The following KLHL32 variants were observed in gnomAD, a reference collection of about 807,000 sequenced individuals.
The protein encoded by KLHL32 is kelch like family member 32.
KLHL32 carries 35 observed loss-of-function variants against 64.8 expected under a neutral mutation model. The ratio of observed to expected loss-of-function variants is 0.54; its 90% CI spans 0.41 to 0.72. KLHL32 has a LOEUF of 0.72. KLHL32 is among the 30% of genes least tolerant of loss of function. The pLI is 0.00. For missense variants in KLHL32, 589 were observed against 768.5 expected (o/e 0.77, Z 2.76); for synonymous variants, 259 against 281.0 (o/e 0.92, Z 0.78).
At chr6:96,988,034 T>C (rs1216485447) in intron 3 of KLHL32, among the ~76,000 whole-genome samples, 1 of 152,200 alleles carries the variant, frequency 6.6e-6, no homozygotes, top group Non-Finnish European at 1.5e-5. Context: ...ATTCAGGACA[T>C]AGGCATGGGC....
At chr6:97,137,493 T>C (rs1800156289) in intron 10 of KLHL32, among the ~76,000 whole-genome samples, 1 of 152,132 alleles carries the variant, frequency 6.6e-6, no homozygotes, top group African/African-American at 2.4e-5. Context: ...TCCCCAAATT[T>C]CAAGGGCCCA....
At chr6:97,111,154 G>A (rs947648365) in intron 6 of KLHL32, among the ~76,000 whole-genome samples, 2 of 152,082 alleles carry the variant, frequency 1.3e-5, no homozygotes, top group Admixed American at 6.6e-5. Flanking sequence ...ACTTTATTCT[G>A]GTCCCACATG....
chr6:97,139,132 A>C lies in KLHL32; in HGVS notation c.1713A>C (p.Val571=). The C allele has an allele frequency of 6.2e-7, 1 of 1,613,698 alleles. No homozygotes were observed. The highest frequency in any genetic ancestry group is 8.5e-7 in the Non-Finnish European group (1 of 1,179,820). Residue 571 remains valine (V), a synonymous_variant, in exon 11 of 11, where the codon GTA becomes GTC. Coordinates refer to ENST00000369261, the MANE Select transcript of KLHL32 (RefSeq NM_052904.4). ...EPLACIQVLD[V]SREGKEEVFY... is the part of the protein sequence containing the mutation. ...TTCCTCTTTTGTAGGTACTGGATGT[A>C]AGCAGAGAAGGCAAAGAAGAAGTAT...
intron 7 of KLHL32, among the ~76,000 whole-genome samples, chr6:97,126,341 T>A (rs141628948): frequency 3.3e-5 from 5 of 150,340 alleles, no homozygotes; most frequent in African/African-American, 1.3e-4. Context: ...TATGCTGTTT[T>A]ATGTTTTTTT....
In KLHL32 at chr6:97,123,696, T is replaced by G. The variant is rs979938920; in HGVS notation, c.1355-3708T>G. 3.9e-5 allele frequency among the ~76,000 whole-genome samples: 6 copies of G among 152,110 alleles called. No homozygotes were observed. In the East Asian group the frequency reaches 1.2e-3, roughly 29 times the overall value. On this transcript the variant is annotated intron_variant, in intron 7 of 10. Transcript: ENST00000369261. ...CTGTTAAGATGCAGATTATCCTCCC[T>G]GGGGTGGGGGAGGGAGATCAAAACT... is the stretch of plus-strand genomic sequence containing the variant.
At chr6:96,950,261 G>T (rs1340122653) in intron 1 of KLHL32, among the ~76,000 whole-genome samples, 5 of 151,204 alleles carry the variant, frequency 3.3e-5, no homozygotes, top group African/African-American at 1.2e-4. Context: ...CTCTAAACAA[G>T]AACAATGTCT....
chr6:97,099,698 C>G (rs560254267), intron 6 of KLHL32, among the ~76,000 whole-genome samples: 1 of 152,280 alleles, frequency 6.6e-6, no homozygotes, highest in African/African-American at 2.4e-5. Context: ...GGCCACTTCT[C>G]CCACCCGAAC....
At chr6:96,966,785 T>C (rs1444215800) in intron 1 of KLHL32, among the ~76,000 whole-genome samples, 1 of 152,220 alleles carries the variant, frequency 6.6e-6, no homozygotes, top group Non-Finnish European at 1.5e-5. Flanking sequence ...TACTTCCTAG[T>C]CCTTGAAGCT....
intron 1 of KLHL32, among the ~76,000 whole-genome samples, chr6:96,941,749 C>CT (rs200306891): frequency 0.23 from 34,948 of 151,904 alleles, 4,297 homozygotes; most frequent in African/African-American, 0.3. Context: ...CACATAGCTG[C>CT]CTTTTTTCTC....
chr6:96,970,236 T>G (rs1774965481), intron 2 of KLHL32, among the ~76,000 whole-genome samples: 1 of 152,182 alleles, frequency 6.6e-6, no homozygotes, highest in African/African-American at 2.4e-5. Context: ...TACTACAGCT[T>G]GAATGACCTT....
At chr6:97,018,071 A>G (rs1034411449) in intron 3 of KLHL32, among the ~76,000 whole-genome samples, 1 of 152,208 alleles carries the variant, frequency 6.6e-6, no homozygotes, top group Non-Finnish European at 1.5e-5. Flanking sequence ...AGACTCAACA[A>G]GTGGATGAAA....
intron 5 of KLHL32, among the ~76,000 whole-genome samples, chr6:97,072,359 T>C (rs147787638): frequency 2.0e-5 from 3 of 152,228 alleles, no homozygotes; most frequent in African/African-American, 7.2e-5. Context: ...AAATTCTGTT[T>C]GATAGATTTT....
At chr6:96,955,355 T>A (rs1334058505) in intron 1 of KLHL32, among the ~76,000 whole-genome samples, 1 of 152,222 alleles carries the variant, frequency 6.6e-6, no homozygotes, top group Non-Finnish European at 1.5e-5. Context: ...CTGAGTCAGT[T>A]ATTATGCATC....
the KLHL32 span, among the ~76,000 whole-genome samples, chr6:96,899,595 C>T: frequency 1.1e-3 from 173 of 152,332 alleles, 1 homozygote; most frequent in African/African-American, 4.0e-3. Context: ...CAGCATGTGT[C>T]AGCTGCTTTG....
At position 97,012,989 on chromosome 6, in the gene KLHL32, G is replaced by C. The variant is rs1383080913; in HGVS notation, c.205-28503G>C. Among the ~76,000 whole-genome samples the C allele has an allele frequency of 2.0e-5, 3 of 152,214 alleles. No homozygotes were observed. The East Asian group carries it at 5.8e-4, about 29-fold the overall frequency. Reference sequence around the variant, plus strand: ...TTTCATCTTTTTCTTGTTAATAATAGAGATCTCTGTGCCTCTAAATGGTGT... The same window carrying C: ...TTTCATCTTTTTCTTGTTAATAATACAGATCTCTGTGCCTCTAAATGGTGT... On this transcript the variant is annotated intron_variant, in intron 3 of 10. Coordinates refer to ENST00000369261, the MANE Select transcript of KLHL32 (RefSeq NM_052904.4).
intron 3 of KLHL32, among the ~76,000 whole-genome samples, chr6:97,035,031 T>C (rs1409843471): frequency 6.6e-6 from 1 of 152,064 alleles, no homozygotes; most frequent in East Asian, 1.9e-4. Context: ...CAGTACTAAG[T>C]TGAATAAAAG....
chr6:97,109,263 A>G (rs555551001), intron 6 of KLHL32, among the ~76,000 whole-genome samples: 25 of 152,358 alleles, frequency 1.6e-4, no homozygotes, highest in South Asian at 4.1e-4. Flanking sequence ...TAAACCCAAC[A>G]AGTAGGGATG....
intron 1 of KLHL32, among the ~76,000 whole-genome samples, chr6:96,951,342 C>T (rs1463496116): frequency 6.6e-6 from 1 of 152,086 alleles, no homozygotes; most frequent in Non-Finnish European, 1.5e-5. Flanking sequence ...TACCTAGTGT[C>T]TGTGGCTAGA....
At chr6:96,934,665 G>T (rs1770358206) in intron 1 of KLHL32, among the ~76,000 whole-genome samples, 1 of 152,200 alleles carries the variant, frequency 6.6e-6, no homozygotes, top group South Asian at 2.1e-4. Context: ...TTGCTGCAGA[G>T]AGCAGCTAAT....
Sources: gnomAD v4.1 joint callset for allele counts (sites outside exome capture counted in the v4.1 genomes callset) on GRCh38, gnomAD v4.1.1 for gene constraint, MANE v1.5 for transcripts, NCBI Gene and HGNC (gene_info 2026-07-23, HGNC 2026-07-21) for gene names.